The following TACC3 variants were observed in gnomAD, a reference collection of about 807,000 sequenced individuals.
The protein encoded by TACC3 is transforming acidic coiled-coil-containing protein 3.
TACC3 carries 52 observed loss-of-function variants against 86.0 expected under a neutral mutation model. The ratio of observed to expected loss-of-function variants is 0.60; its 90% confidence interval spans 0.48 to 0.76. The LOEUF is 0.76. Among genes scored for constraint, TACC3 ranks in the 30% least tolerant of loss-of-function variants. The pLI is 0.00. For missense variants in TACC3, 1,120 were observed against 1,070.4 expected, an observed-to-expected ratio of 1.05 and a Z score of -0.65; for synonymous variants, 512 against 430.0, an observed-to-expected ratio of 1.19 and a Z score of -2.36.
chr4:1,739,899 C>T, intron 11 of TACC3, 60 bp from the exon 12 acceptor site: 1 of 1,607,390 alleles, frequency 6.2e-7, no homozygotes, highest in Non-Finnish European at 8.5e-7. Context: ...CCCATCCCCA[C>T]CTGGCCTGGG....
Position 1,728,063 on chromosome 4 carries a change from G to A in TACC3, c.661G>A (p.Glu221Lys), listed in dbSNP as rs781180810. Residue 221 changes from glutamate to lysine, a missense_variant, in exon 4 of 16, where the codon GAG becomes AAG. Coordinates refer to ENST00000313288, the MANE Select transcript of TACC3 (RefSeq NM_006342.3). ...QHKAETPHGA[E>K]EECKAETPHG... ...CAAAGCGGAGACTCCGCACGGAGCC[G>A]AGGAAGAATGCAAAGCGGAGACTCC... 1.5e-5 allele frequency: 23 copies of A among 1,542,280 alleles called. No individual in the cohort carries two copies. Among genetic ancestry groups the A allele is most frequent in the East Asian group, 4.7e-5 (2 of 42,946 alleles).
chr4:1,728,894 G>A (rs561942046), intron 4 of TACC3, 107 bp downstream of exon 4: 277 of 1,160,138 alleles, frequency 2.4e-4, no homozygotes, highest in South Asian at 1.8e-3. Flanking sequence ...CTTTGAGGCC[G>A]GGTAGGTTCT....
At position 1,740,920 on chromosome 4, in the gene TACC3, G is replaced by A; in HGVS notation, c.2157G>A (p.Glu719=). The A allele has an allele frequency of 1.9e-5, 30 of 1,613,202 alleles. No individual in the cohort carries two copies. Among genetic ancestry groups the A allele is most frequent in the Non-Finnish European group, 2.5e-5 (30 of 1,179,884 alleles). Residue 719 remains glutamate (E), a synonymous_variant, in exon 13 of 16, where the codon GAG becomes GAA. Transcript: ENST00000313288. ...DQLTTDLNSM[E]KSFSDLFKRF... ...TTACCACAGATCTGAACTCCATGGA[G>A]AAGTCCTTCTCCGACCTCTTCAAGC...
Position 1,729,830 on chromosome 4 carries a change from C to T in TACC3, c.1385+1043C>T, listed in dbSNP as rs1218219820. 7.2e-5 allele frequency among the ~76,000 whole-genome samples: 11 copies of T among 152,138 alleles called. No individual in the cohort carries two copies. In the East Asian group the frequency reaches 9.6e-4, roughly 13 times the overall value. ...AGACTCCCTTTCCCAGTCTAATTAA[C>T]GGGTGCCTTCCCAGGCACTGGTGCT... On this transcript the variant is annotated intron_variant, in intron 4 of 15. Transcript: ENST00000313288.
chr4:1,736,427 A>AAG (rs1718267247), intron 8 of TACC3, among the ~76,000 whole-genome samples: 1 of 150,928 alleles, frequency 6.6e-6, no homozygotes, highest in South Asian at 2.1e-4. Flanking sequence ...CATCTCAAAA[A>AAG]AAAAAAAAAA....
intron 13 of TACC3, among the ~76,000 whole-genome samples, chr4:1,743,214 C>A (rs1341255203): frequency 1.4e-5 from 2 of 142,158 alleles, no homozygotes; most frequent in African/African-American, 5.4e-5. Context: ...CAAGATCGCG[C>A]CATCACACTA....
intron 12 of TACC3, 35 bp from the exon 13 acceptor site, chr4:1,740,791 T>C: frequency 6.3e-7 from 1 of 1,586,984 alleles, no homozygotes; most frequent in Non-Finnish European, 8.6e-7. Flanking sequence ...TTCGGTTGCC[T>C]CCTCATCCTG....
intron 1 of TACC3, among the ~76,000 whole-genome samples, chr4:1,722,952 C>A (rs1251209832): frequency 6.6e-6 from 1 of 152,124 alleles, no homozygotes; most frequent in African/African-American, 2.4e-5. Context: ...CAGACCAGAG[C>A]CGCTGTCCTG....
chr4:1,724,250 G>C (rs1460311603), intron 3 of TACC3, among the ~76,000 whole-genome samples: 2 of 151,692 alleles, frequency 1.3e-5, no homozygotes, highest in African/African-American at 4.8e-5. Flanking sequence ...GGGATTACAG[G>C]TGTGAGCCAC....
chr4:1,723,199 T>G (rs749604254), intron 1 of TACC3: 10 of 585,236 alleles, frequency 1.7e-5, no homozygotes, highest in Non-Finnish European at 3.1e-5. Flanking sequence ...GTGCTGCCCA[T>G]GGCTCCCCCT....
In TACC3 at chr4:1,744,939, C is replaced by T. The variant is rs747321849; in HGVS notation, c.2452-9C>T. 9.3e-6 allele frequency: 15 copies of T among 1,611,720 alleles called. No individual in the cohort carries two copies. The South Asian group carries it at 1.5e-4, about 17-fold the overall frequency. ...GGGAGAAGCCCCGCAACTCATCTTC[C>T]TCCTCCAGACTAAAGAGAACGAGGA... On this transcript the variant is annotated splice_polypyrimidine_tract_variant and intron_variant, in intron 15 of 15. Coordinates refer to ENST00000313288, the MANE Select transcript of TACC3 (RefSeq NM_006342.3).
chr4:1,726,910 T>G (rs1717716176), intron 3 of TACC3, among the ~76,000 whole-genome samples: 1 of 152,122 alleles, frequency 6.6e-6, no homozygotes, highest in African/African-American at 2.4e-5. Flanking sequence ...GTGGATCACC[T>G]AAGGTCAGGA....
chr4:1,740,737 G>A lies in TACC3; in HGVS notation c.2063-89G>A, dbSNP rs554024592. On this transcript the variant is annotated intron_variant, in intron 12 of 15. Transcript: ENST00000313288. ...CTGCCCACCTCTCCTCCTGGCGCTC[G>A]AGTCCCTTGCCTCATTCCTTGGGCT... 3.2e-5 allele frequency: 39 copies of A among 1,228,488 alleles called. 1 individual carries two copies. In the South Asian group the frequency reaches 3.8e-4, roughly 12 times the overall value. 76.1% of individuals were successfully genotyped at this position (1,228,488 alleles called of 1,614,324 possible).
At chr4:1,731,991 A>T (rs1718027220) in intron 6 of TACC3, among the ~76,000 whole-genome samples, 1 of 152,264 alleles carries the variant, frequency 6.6e-6, no homozygotes, top group Non-Finnish European at 1.5e-5. Context: ...ACTGCAGTTA[A>T]ATACGGTTTG....
In TACC3 at chr4:1,731,124, C is replaced by G. The variant is rs752253379; in HGVS notation, c.1462-48C>G. The G allele has an allele frequency of 8.7e-6, 14 of 1,607,236 alleles. No homozygotes were observed. The East Asian group carries it at 2.7e-4, about 31-fold the overall frequency. On this transcript the variant is annotated intron_variant, in intron 5 of 15. Coordinates refer to ENST00000313288, the MANE Select transcript of TACC3 (RefSeq NM_006342.3). Reference sequence around the variant, plus strand: ...GTTGTGGGGAGGCAAAGCCACACCCCAAGTACCTTGACTGCACTGCACAGG... The same window carrying G: ...GTTGTGGGGAGGCAAAGCCACACCCGAAGTACCTTGACTGCACTGCACAGG...
intron 3 of TACC3, among the ~76,000 whole-genome samples, chr4:1,725,825 C>T (rs780676961): frequency 2.6e-5 from 4 of 152,250 alleles, no homozygotes; most frequent in Admixed American, 6.5e-5. Flanking sequence ...GCAGCCGCTG[C>T]GTGCAGCTGC....
At position 1,745,156 on chromosome 4, in the gene TACC3, T is replaced by C. The variant is rs1204468913; in HGVS notation, c.*143T>C. 5 of 919,504 alleles carry C rather than the reference T, an allele frequency of 5.4e-6. No individual in the cohort carries two copies. The East Asian group carries it at 1.3e-4, about 24-fold the overall frequency. The allele number at this position is 919,504 out of a possible 1,614,324, so 57.0% of individuals were successfully genotyped here. A position where few individuals can be genotyped will look rare whatever the true frequency, so the allele number is the denominator to read the frequency against. On this transcript the variant is annotated 3_prime_UTR_variant, in exon 16 of 16. Transcript: ENST00000313288. ...TTTGAAAACATGACTCAATAAAAGT[T>C]TCCTTTCAATTTAAACACTGAAGCC...
intron 4 of TACC3, 149 bp downstream of exon 4, chr4:1,728,936 G>A (rs1380808329): frequency 3.8e-6 from 3 of 787,960 alleles, no homozygotes; most frequent in East Asian, 5.4e-5. Flanking sequence ...TAAAAACAGG[G>A]CTCAGGTGGC....
At position 1,739,991 on chromosome 4, in the gene TACC3, A is replaced by T; in HGVS notation, c.2051A>T (p.Tyr684Phe). ...KIMDRFEEVV[Y>F]QAMEEVQKQK... is the part of the protein sequence containing the mutation. ...ATGGACAGGTTCGAAGAGGTTGTGT[A>T]CCAGGCCATGGGTGAGTGCCCGGGC... The change falls in exon 12 of 16, where the codon TAC (tyrosine) becomes TTC (phenylalanine). Residue 684 changes from tyrosine to phenylalanine, a missense_variant. Tyr to Phe is a conservative substitution (Grantham distance 22). Coordinates refer to ENST00000313288, the MANE Select transcript of TACC3 (RefSeq NM_006342.3). The T allele has an allele frequency of 6.2e-7, 1 of 1,613,004 alleles. No individual in the cohort carries two copies. The highest frequency in any genetic ancestry group is 8.5e-7 in the Non-Finnish European group (1 of 1,179,994).
Sources: allele counts gnomAD v4.1 joint callset (sites outside exome capture counted in the v4.1 genomes callset), GRCh38; gene constraint gnomAD v4.1.1; transcripts MANE v1.5; gene names NCBI Gene and HGNC (gene_info 2026-07-23, HGNC 2026-07-21).